Variants in MPP7 observed in about 807,000 individuals in gnomAD.
MPP7 encodes MAGUK p55 scaffold protein 7.
MPP7 carries 60 observed loss-of-function variants against 76.5 expected under a neutral mutation model. The ratio of observed to expected loss-of-function variants is 0.78; its 90% CI spans 0.64 to 0.97. The LOEUF (loss-of-function observed/expected upper bound fraction) is 0.97, where lower values mean the gene tolerates loss of function less well. MPP7 is among the 50% of genes least tolerant of loss of function. The pLI is 0.00. For missense variants in MPP7, 641 were observed against 694.0 expected, an observed-to-expected ratio of 0.92 and a Z score of 0.86; for synonymous variants, 237 against 244.5, an observed-to-expected ratio of 0.97 and a Z score of 0.29.
intron 1 of MPP7, 36 bp from the exon 2 acceptor site, chr10:28,238,771 G>A: frequency 1.6e-6 from 1 of 629,920 alleles, no homozygotes; most frequent in Non-Finnish European, 2.7e-6. Context: ...TTTTTAAAAA[G>A]GGACCATCAC....
At chr10:28,325,315 T>C (rs554197295) in intron 2 of MPP7, among the ~76,000 whole-genome samples, 1 of 152,182 alleles carries the variant, frequency 6.6e-6, no homozygotes, top group African/African-American at 2.4e-5. Context: ...GCATTTGTAA[T>C]AGCAGATATC....
At chr10:28,220,069 G>A (rs1197530116) in intron 2 of MPP7, among the ~76,000 whole-genome samples, 1 of 152,092 alleles carries the variant, frequency 6.6e-6, no homozygotes, top group African/African-American at 2.4e-5. Context: ...AATAATTATA[G>A]TATTGCAGCT....
chr10:28,260,465 T>C (rs1479864425), intron 1 of MPP7, among the ~76,000 whole-genome samples: 1 of 152,142 alleles, frequency 6.6e-6, no homozygotes, highest in Non-Finnish European at 1.5e-5. Flanking sequence ...TATATTTAAC[T>C]ATGTTCTAAC....
At position 28,283,990 on chromosome 10, in the gene MPP7, A is replaced by G. The variant is rs1013095826; in HGVS notation, c.-132+18871T>C. On this transcript the variant is annotated intron_variant, in intron 1 of 16. Coordinates refer to ENST00000683449, the MANE Select transcript of MPP7 (RefSeq NM_001318170.2). ...ACCCATCTGGAAATTAGAAGCACCC[A>G]GGATAACAGAAGCCAAGTCAAAATC... Among the ~76,000 whole-genome samples the G allele has an allele frequency of 2.6e-5, 4 of 152,250 alleles. 1 individual carries two copies. Among genetic ancestry groups the G allele is most frequent in the Non-Finnish European group, 4.4e-5 (3 of 68,040 alleles).
At chr10:28,144,763 C>A in intron 5 of MPP7, among the ~76,000 whole-genome samples, 1 of 152,242 alleles carries the variant, frequency 6.6e-6, no homozygotes, top group East Asian at 1.9e-4. Flanking sequence ...TTGGGTTTAG[C>A]GCCATTCCTA....
At chr10:28,238,832 T>G (rs1839167803) in intron 1 of MPP7, 97 bp from the exon 2 acceptor site, 1 of 528,162 alleles carries the variant, frequency 1.9e-6, no homozygotes, top group Non-Finnish European at 3.3e-6. Flanking sequence ...CAATCACTAT[T>G]GGAGAGATCG....
chr10:28,168,559 C>T (rs1836568788), intron 3 of MPP7, among the ~76,000 whole-genome samples: 1 of 151,968 alleles, frequency 6.6e-6, no homozygotes, highest in Non-Finnish European at 1.5e-5. Context: ...CGCTCTGTCG[C>T]CCAGGCTGGA....
At chr10:28,253,825 G>A (rs903060525) in intron 1 of MPP7, among the ~76,000 whole-genome samples, 3 of 151,486 alleles carry the variant, frequency 2.0e-5, no homozygotes, top group East Asian at 3.9e-4. Flanking sequence ...GCAAAACCTC[G>A]TCTCTACTAA....
chr10:28,300,811 T>A (rs963391319), intron 1 of MPP7, among the ~76,000 whole-genome samples: 9 of 140,040 alleles, frequency 6.4e-5, no homozygotes, highest in Non-Finnish European at 1.1e-4. Context: ...AAAAAAAAAA[T>A]AGCTGGGCGT....
intron 2 of MPP7, among the ~76,000 whole-genome samples, chr10:28,213,065 G>A (rs7893733): frequency 0.18 from 27,163 of 151,910 alleles, 2,763 homozygotes; most frequent in African/African-American, 0.27. Flanking sequence ...TCAGCCTCCC[G>A]AGTAGCTGAG....
chr10:28,086,806 C>T (rs1216627856), intron 12 of MPP7, among the ~76,000 whole-genome samples: 3 of 152,096 alleles, frequency 2.0e-5, no homozygotes, highest in Non-Finnish European at 4.4e-5. Context: ...TCGGGGAAAG[C>T]CCACCAGAGT....
intron 3 of MPP7, among the ~76,000 whole-genome samples, chr10:28,183,148 A>C (rs1266415537): frequency 6.6e-6 from 1 of 152,200 alleles, no homozygotes; most frequent in Admixed American, 6.5e-5. Context: ...TTCTATTTAT[A>C]AGAGTTTTAA....
chr10:28,101,647 T>C (rs926561873), intron 11 of MPP7, among the ~76,000 whole-genome samples: 1 of 151,840 alleles, frequency 6.6e-6, no homozygotes, highest in Admixed American at 6.6e-5. Context: ...AGGAAATTAT[T>C]TGTAAGAAAG....
chr10:28,243,348 C>T (rs1017935568), intron 1 of MPP7, among the ~76,000 whole-genome samples: 1 of 151,976 alleles, frequency 6.6e-6, no homozygotes, highest in African/African-American at 2.4e-5. Flanking sequence ...ATCAGCTTCT[C>T]AATGCCCAAA....
At chr10:28,188,775 A>G (rs1286525042) in intron 3 of MPP7, among the ~76,000 whole-genome samples, 1 of 152,214 alleles carries the variant, frequency 6.6e-6, no homozygotes, top group African/African-American at 2.4e-5. Flanking sequence ...GCTTCTCATC[A>G]GAAACCACGC....
intron 12 of MPP7, among the ~76,000 whole-genome samples, chr10:28,084,032 T>A (rs1852889985): frequency 2.0e-5 from 3 of 152,184 alleles, no homozygotes; most frequent in African/African-American, 7.2e-5. Context: ...TGTTAGGGGC[T>A]AAAGAGTTTC....
rs1185199785 is a variant in MPP7 at position 28,149,990 on chromosome 10, C to A, written c.226G>T (p.Ala76Ser). 6.2e-7 allele frequency: 1 copy of A among 1,612,864 alleles called. No individual in the cohort carries two copies. Among genetic ancestry groups the A allele is most frequent in the Non-Finnish European group, 8.5e-7 (1 of 1,179,682 alleles). ...VPILHGAAAL[A>S]DDLAEELQNK... ...CGGAGAGTCACACTTACATCATCGG[C>A]CAAGGCCGCCGCACCATGGAGAATG... Residue 76 changes from alanine (A) to serine (S), a missense_variant, in exon 4 of 17, where the codon GCC becomes TCC. By Grantham distance (99) the Ala-to-Ser change is moderately conservative. Coordinates refer to ENST00000683449, the MANE Select transcript of MPP7 (RefSeq NM_001318170.2).
At chr10:28,270,532 A>AGGGGG (rs71391026) in intron 1 of MPP7, among the ~76,000 whole-genome samples, 1 of 15,512 alleles carries the variant, frequency 6.4e-5, no homozygotes, top group African/African-American at 2.8e-4. Context: ...AAAAAAAAAA[A>AGGGGG]GGGGGGGGGG....
upstream of MPP7, chr10:28,334,592 C>T (rs1466659445): frequency 1.3e-5 from 2 of 152,076 alleles, no homozygotes; most frequent in Non-Finnish European, 2.9e-5. Flanking sequence ...AATTGTGTGC[C>T]CTAGTAGAGA....
Sources: allele counts gnomAD v4.1 joint callset (sites outside exome capture counted in the v4.1 genomes callset), GRCh38; gene constraint gnomAD v4.1.1; transcripts MANE v1.5; gene names NCBI Gene and HGNC (gene_info 2026-07-23, HGNC 2026-07-21).